The following ZNF442 variants were observed in gnomAD, a reference collection of about 807,000 sequenced individuals.
ZNF442 encodes the protein zinc finger protein 442.
A neutral mutation model predicts 57.0 loss-of-function variants in ZNF442; 45 were observed. That is an observed-to-expected ratio of 0.79 (90% CI 0.62 to 1.01). The LOEUF is 1.01. Among genes scored for constraint, ZNF442 ranks in the 50% least tolerant of loss-of-function variants. The pLI, the probability that ZNF442 is intolerant of heterozygous loss-of-function variation, is 0.00. For synonymous variants in ZNF442, 213 were observed against 241.8 expected, an observed-to-expected ratio of 0.88 and a Z score of 1.10; for missense variants, 690 against 756.5, an observed-to-expected ratio of 0.91 and a Z score of 1.03.
At chr19:12,370,440 T>C (rs975278194), upstream of ZNF442, among the ~76,000 whole-genome samples, 1 of 152,072 alleles carries the variant, frequency 6.6e-6, no homozygotes, top group Admixed American at 6.6e-5. Flanking sequence ...CCTTCTGCTG[T>C]GTGGCCTAGC....
intron 1 of ZNF442, 66 bp downstream of exon 1, chr19:12,365,467 G>A: frequency 2.5e-6 from 1 of 397,272 alleles, no homozygotes; most frequent in Non-Finnish European, 4.7e-6. Context: ...TCCCGCCACA[G>A]CCGGTTCTGG....
rs138499514 is a variant in ZNF442 at position 12,350,257 on chromosome 19, C to T, written c.1328G>A (p.Arg443His). The part of the protein sequence containing the change: ...YECKECGKAF[R>H]ISSSLRRHET... Reference sequence around the variant, plus strand: ...ATGTCTTCGAAGGGAACTAGAAATACGGAAGGCTTTACCACATTCTTTACA... The same window carrying T: ...ATGTCTTCGAAGGGAACTAGAAATATGGAAGGCTTTACCACATTCTTTACA... The change falls in exon 6 of 6, where the codon CGT becomes CAT. Residue 443 changes from arginine to histidine, a missense_variant. Physicochemically the swap from Arg to His is conservative, Grantham distance 29. Coordinates refer to ENST00000242804, the MANE Select transcript of ZNF442 (RefSeq NM_030824.3). 5.3e-5 allele frequency: 86 copies of T among 1,612,860 alleles called. No homozygotes were observed. The highest frequency in any genetic ancestry group is 1.6e-4 in the African/African-American group (12 of 74,552).
intron 3 of ZNF442, among the ~76,000 whole-genome samples, chr19:12,360,628 G>A (rs755465920): frequency 6.6e-6 from 1 of 152,212 alleles, no homozygotes; most frequent in Non-Finnish European, 1.5e-5. Context: ...CCAGACTGGA[G>A]TGCAGTGGCG....
intron 3 of ZNF442, among the ~76,000 whole-genome samples, chr19:12,359,016 G>C (rs1969380311): frequency 6.6e-6 from 1 of 152,168 alleles, no homozygotes; most frequent in Non-Finnish European, 1.5e-5. Context: ...GATATCTCAA[G>C]AATAGCCAAA....
upstream of ZNF442, among the ~76,000 whole-genome samples, chr19:12,369,588 C>T (rs569353861): frequency 2.5e-4 from 36 of 143,334 alleles, no homozygotes; most frequent in East Asian, 6.4e-4. Flanking sequence ...GCAACAAGAG[C>T]GAAACTCCAT....
upstream of ZNF442, among the ~76,000 whole-genome samples, chr19:12,368,506 C>T (rs937035378): frequency 5.9e-5 from 9 of 152,122 alleles, no homozygotes; most frequent in Non-Finnish European, 8.8e-5. Context: ...CCTTAGTTCC[C>T]GCAACAGACT....
In ZNF442 at chr19:12,350,506, C is replaced by A; in HGVS notation, c.1079G>T (p.Cys360Phe). ...KCKICGKGFD[C>F]PSSLQSHERT... ...TTCATGACTTTGCAGTGAACTAGGA[C>A]AATCAAAGCCTTTCCCACATATCTT... Residue 360 changes from cysteine to phenylalanine, a missense_variant, in exon 6 of 6, where the codon TGT becomes TTT. Transcript: ENST00000242804. 1 of 1,612,448 alleles carries A rather than the reference C, an allele frequency of 6.2e-7. No individual in the cohort carries two copies. The highest frequency in any genetic ancestry group is 1.1e-5 in the South Asian group (1 of 90,978).
At chr19:12,370,653 GA>G (rs1428638218), upstream of ZNF442, among the ~76,000 whole-genome samples, 12 of 150,824 alleles carry the variant, frequency 8.0e-5, no homozygotes, top group South Asian at 1.5e-3. Context: ...AACAGACTAG[GA>G]AAAAAAAATG....
Position 12,353,084 on chromosome 19 carries a change from T to C in ZNF442, c.109A>G (p.Asn37Asp), listed in dbSNP as rs1599588417. 6.2e-7 allele frequency: 1 copy of C among 1,613,266 alleles called. No homozygotes were observed. The highest frequency in any genetic ancestry group is 8.5e-7 in the Non-Finnish European group (1 of 1,179,534). The part of the protein sequence containing the change: ...DSVAFEDVAV[N>D]FTQEEWALLG... ...AAAGCCCACTCTTCCTGGGTGAAGT[T>C]CACCGCCACATCCTCAAAGGCTACT... Residue 37 changes from asparagine (N) to aspartate (D), a missense_variant, in exon 4 of 6, where the codon AAC (asparagine) becomes GAC (aspartate). Asn to Asp is a conservative substitution (Grantham distance 23, BLOSUM62 1). Coordinates refer to ENST00000242804, the MANE Select transcript of ZNF442 (RefSeq NM_030824.3).
In ZNF442 at chr19:12,353,015, C is replaced by T. The variant is rs1910652405; in HGVS notation, c.178G>A (p.Glu60Lys). Reference protein sequence around the residue: ...QKSLYRDVMWETIRNLDCIGM... With the variant: ...QKSLYRDVMWKTIRNLDCIGM... ...ATACAGTCCAGGTTCCTAATGGTTTCCCACATCACATCTCTGTACAGACTC... is the reference window on the plus strand; with the variant it reads ...ATACAGTCCAGGTTCCTAATGGTTTTCCACATCACATCTCTGTACAGACTC... The change falls in exon 4 of 6, where the codon GAA becomes AAA. Residue 60 changes from glutamate to lysine, a missense_variant. Coordinates refer to ENST00000242804, the MANE Select transcript of ZNF442 (RefSeq NM_030824.3). The T allele has an allele frequency of 1.2e-6, 2 of 1,611,192 alleles. No homozygotes were observed. The highest frequency in any genetic ancestry group is 1.7e-6 in the Non-Finnish European group (2 of 1,179,276).
intron 2 of ZNF442, among the ~76,000 whole-genome samples, chr19:12,363,921 CAG>C (rs974015940): frequency 2.0e-5 from 3 of 152,130 alleles, no homozygotes; most frequent in South Asian, 2.1e-4. Flanking sequence ...CAGGAAAAGG[CAG>C]AGAGTGGGCT....
At chr19:12,357,349 CTTTTTTTT>C (rs5827145) in intron 3 of ZNF442, among the ~76,000 whole-genome samples, 1 of 95,368 alleles carries the variant, frequency 1.0e-5, no homozygotes, top group Non-Finnish European at 2.0e-5. Context: ...CTTTTTCTTT[CTTTTTTTT>C]TTTTTTTTTT....
intron 3 of ZNF442, among the ~76,000 whole-genome samples, chr19:12,361,561 A>ATTTGAATAATCAGAGAAATT (rs1969425641): frequency 6.6e-6 from 1 of 152,132 alleles, no homozygotes; most frequent in Non-Finnish European, 1.5e-5. Context: ...TCATACTGTC[A>ATTTGAATAATCAGAGAAATT]CTGTTAAGCC....
Position 12,351,266 on chromosome 19 carries a change from T to C in ZNF442, c.319A>G (p.Asn107Asp), listed in dbSNP as rs146815090. 357 of 1,614,088 alleles carry C rather than the reference T, an allele frequency of 2.2e-4. 1 individual carries two copies. The highest frequency in any genetic ancestry group is 6.7e-5 in the Admixed American group (4 of 60,008). ...GGATCTACTCCAGGAGGTTTTTCAT[T>C]CACAGTACTATCTGGCTGGCGACTT... ...SESRQPDSTV[N>D]EKPPGVDPCK... Residue 107 changes from asparagine (N) to aspartate (D), a missense_variant, in exon 6 of 6, where the codon AAT (asparagine) becomes GAT (aspartate). By Grantham distance (23) the Asn-to-Asp change is conservative. Coordinates refer to ENST00000242804, the MANE Select transcript of ZNF442 (RefSeq NM_030824.3).
In ZNF442 at chr19:12,350,962, G is replaced by A; in HGVS notation, c.623C>T (p.Pro208Leu). ...TTTCCCACACAACTTACATATATAAGGTCCACCTCCACGTTGTACTATTAT... is the reference window on the plus strand; with the variant it reads ...TTTCCCACACAACTTACATATATAAAGTCCACCTCCACGTTGTACTATTAT... ...RHIIVQRGGGPYICKLCGKAF... is the reference protein window; with the variant it reads ...RHIIVQRGGGLYICKLCGKAF... The change falls in exon 6 of 6, where the codon CCT becomes CTT. Residue 208 changes from proline (P) to leucine (L), a missense_variant. Transcript: ENST00000242804. 2 of 1,614,156 alleles carry A rather than the reference G, an allele frequency of 1.2e-6. No homozygotes were observed. The highest frequency in any genetic ancestry group is 1.7e-6 in the Non-Finnish European group (2 of 1,180,036).
In ZNF442 at chr19:12,350,122, T is replaced by C. The variant is rs1455194167; in HGVS notation, c.1463A>G (p.Tyr488Cys). The change falls in exon 6 of 6, where the codon TAT (tyrosine) becomes TGT (cysteine). Residue 488 changes from tyrosine (Y) to cysteine (C), a missense_variant. By Grantham distance (194) the Tyr-to-Cys change is radical. Transcript: ENST00000242804. ...HETTHTGEKP[Y>C]ECKECGKAFS... is the part of the protein sequence containing the mutation. Reference sequence around the variant, plus strand: ...TGCTTTCCCACATTCCTTACACTCATATGGCTTCTCTCCAGTGTGAGTTGT... The same window carrying C: ...TGCTTTCCCACATTCCTTACACTCACATGGCTTCTCTCCAGTGTGAGTTGT... The C allele has an allele frequency of 1.2e-6, 2 of 1,613,884 alleles. No homozygotes were observed. The highest frequency in any genetic ancestry group is 2.2e-5 in the East Asian group (1 of 44,866).
chr19:12,359,115 T>A (rs1969382260), intron 3 of ZNF442, among the ~76,000 whole-genome samples: 1 of 152,212 alleles, frequency 6.6e-6, no homozygotes. Flanking sequence ...CAAATACATT[T>A]TTTATTATAT....
rs1293734326 is a variant in ZNF442 at position 12,346,789 on chromosome 19, T to C, written c.*2912A>G. On this transcript the variant is annotated 3_prime_UTR_variant, in exon 6 of 6. Coordinates refer to ENST00000242804, the MANE Select transcript of ZNF442 (RefSeq NM_030824.3). Reference sequence around the variant, plus strand: ...ACAAAAACAATGAGTTCCTGATACATGCTACCACATGGATAAACCTTGAAA... The same window carrying C: ...ACAAAAACAATGAGTTCCTGATACACGCTACCACATGGATAAACCTTGAAA... 2 of 152,226 alleles carry C rather than the reference T, an allele frequency of 1.3e-5. No individual in the cohort carries two copies. Among genetic ancestry groups the C allele is most frequent in the Non-Finnish European group, 2.9e-5 (2 of 68,042 alleles). 9.4% of individuals were successfully genotyped at this position (152,226 alleles called of 1,614,324 possible). A position where few individuals can be genotyped will look rare whatever the true frequency, so the allele number is the denominator to read the frequency against.
chr19:12,352,736 G>A (rs1969263024), intron 4 of ZNF442, among the ~76,000 whole-genome samples: 1 of 152,104 alleles, frequency 6.6e-6, no homozygotes, highest in Admixed American at 6.5e-5. Context: ...TGCAATATAT[G>A]TGACAGACAA....
Sources: gnomAD v4.1 joint callset for allele counts (sites outside exome capture counted in the v4.1 genomes callset) on GRCh38, gnomAD v4.1.1 for gene constraint, MANE v1.5 for transcripts, NCBI Gene and HGNC (gene_info 2026-07-23, HGNC 2026-07-21) for gene names.